The following RAI1 variants were observed in gnomAD, a reference collection of about 807,000 sequenced individuals.
The protein encoded by RAI1 is retinoic acid-induced protein 1.
A neutral mutation model predicts 123.8 loss-of-function variants in RAI1; 9 were observed. The observed-to-expected ratio is 0.07, with a 90% CI of 0.04 to 0.13. RAI1 has a LOEUF of 0.13. Among genes scored for constraint, RAI1 ranks in the 10% least tolerant of loss-of-function variants. The pLI is 1.00. For missense variants in RAI1, 2,256 were observed against 2,545.8 expected, an observed-to-expected ratio of 0.89 and a Z score of 2.45; for synonymous variants, 1,231 against 1,127.3, an observed-to-expected ratio of 1.09 and a Z score of -1.84.
At chr17:17,783,075 G>GGGGGGCC (rs144240699) in intron 2 of RAI1, among the ~76,000 whole-genome samples, 152,234 of 152,254 alleles carry the variant, frequency 1, 76,107 homozygotes, top group Middle Eastern at 1. Context: ...GGGGGCTGGT[G>GGGGGGCC]GCAGCCCCCC....
Position 17,795,750 on chromosome 17 carries a change from C to G in RAI1, c.2802C>G (p.Thr934=), listed in dbSNP as rs765188274. The change falls in exon 3 of 6, where the codon ACC becomes ACG. Residue 934 remains threonine (T), a synonymous_variant. Transcript: ENST00000353383. The surrounding 1 kb of genome is among the most constrained non-coding windows in gnomAD (Gnocchi z 5.9). ...TCCTGCTGGGCCCTACAGTGGGCAC[C>G]GAGTCAAAGGTCCAGAGCTGGTTTG... ...SVILLGPTVG[T]ESKVQSWFES... 3.7e-6 allele frequency: 6 copies of G among 1,613,350 alleles called. No individual in the cohort carries two copies. Among genetic ancestry groups the G allele is most frequent in the Non-Finnish European group, 5.1e-6 (6 of 1,180,020 alleles).
intron 3 of RAI1, 27 bp downstream of exon 3, chr17:17,798,540 G>T (rs1351569846): frequency 6.3e-7 from 1 of 1,597,224 alleles, no homozygotes; most frequent in East Asian, 2.2e-5. Context: ...GCCAGGGTGG[G>T]GAGTGTGGGG....
At chr17:17,710,287 G>A (rs1054091432) in intron 1 of RAI1, among the ~76,000 whole-genome samples, 3 of 152,132 alleles carry the variant, frequency 2.0e-5, no homozygotes, top group Non-Finnish European at 2.9e-5. Context: ...CCAAGCACAC[G>A]CCCCTCACCT....
At chr17:17,806,513 G>A (rs2032596135) in intron 4 of RAI1, among the ~76,000 whole-genome samples, 1 of 152,216 alleles carries the variant, frequency 6.6e-6, no homozygotes, top group African/African-American at 2.4e-5. Context: ...AGTAGGGTGT[G>A]GACGTGCAAA....
At chr17:17,739,884 T>G (rs542374238) in intron 2 of RAI1, among the ~76,000 whole-genome samples, 1 of 152,318 alleles carries the variant, frequency 6.6e-6, no homozygotes, top group African/African-American at 2.4e-5. Context: ...CCTTGTCACC[T>G]TGGGCCCAGA....
At chr17:17,763,358 A>T (rs2030785318) in intron 2 of RAI1, among the ~76,000 whole-genome samples, 1 of 152,208 alleles carries the variant, frequency 6.6e-6, no homozygotes, top group Admixed American at 6.5e-5. Context: ...AAGGAGCTGG[A>T]GGTCAGGAGC....
chr17:17,743,320 A>G (rs1916703631), intron 2 of RAI1, among the ~76,000 whole-genome samples: 2 of 152,166 alleles, frequency 1.3e-5, no homozygotes, highest in Non-Finnish European at 2.9e-5. Context: ...AACACTCACC[A>G]TGGGTAGGCA....
At position 17,800,180 on chromosome 17, in the gene RAI1, G is replaced by GTCTCTCTCTGTCTCTCTCTGTCTCTC. The variant is rs1555566532; in HGVS notation, c.5565+1676_5565+1677insGTCTCTCTCTGTCTCTCTCTCTCTCT. 1.7e-5 allele frequency among the ~76,000 whole-genome samples: 2 copies of GTCTCTCTCTGTCTCTCTCTGTCTCTC among 116,318 alleles called. No homozygotes were observed. Among genetic ancestry groups the GTCTCTCTCTGTCTCTCTCTGTCTCTC allele is most frequent in the Non-Finnish European group, 3.9e-5 (2 of 51,162 alleles). The allele number at this position is 116,318 out of a possible 152,430, so 76.3% of individuals were successfully genotyped here. ...TCTCTCCTGCTTTCTGTCTCTCTCT[G>GTCTCTCTCTGTCTCTCTCTGTCTCTC]TCTCTCTCTCTCTCTCTCTCTCTCT... On this transcript the variant is annotated intron_variant, in intron 3 of 5. Transcript: ENST00000353383. This position sits in a 1 kb window ranked among gnomAD's most constrained non-coding sequence, Gnocchi z 4.7.
rs1055058360 is a variant in RAI1, at chr17:17,685,455, C to G, written c.-149+3662C>G. Among the ~76,000 whole-genome samples, 8 of 152,232 alleles carry G rather than the reference C, an allele frequency of 5.3e-5. No individual in the cohort carries two copies. In the East Asian group the frequency reaches 7.7e-4, roughly 15 times the overall value. ...CTTTGAGCAGGTGCTTCAGGCACGG[C>G]GAGGTAAGAGTGAGAGGAGCATTCC... On this transcript the variant is annotated intron_variant, in intron 1 of 5. Transcript: ENST00000353383. The surrounding 1 kb of genome is among the most constrained non-coding windows in gnomAD (Gnocchi z 4.0).
intron 2 of RAI1, among the ~76,000 whole-genome samples, chr17:17,762,529 G>T (rs1382381754): frequency 6.6e-6 from 1 of 152,182 alleles, no homozygotes; most frequent in Non-Finnish European, 1.5e-5. Context: ...AGGAGATCTG[G>T]CTCTCAGCAT....
intron 2 of RAI1, chr17:17,778,470 C>T (rs977067172): frequency 2.5e-5 from 8 of 318,204 alleles, no homozygotes; most frequent in African/African-American, 1.3e-4. Context: ...AGCTTAGGCA[C>T]ACAAAGCACA....
chr17:17,726,859 C>T (rs984266167), intron 2 of RAI1, among the ~76,000 whole-genome samples: 1 of 152,076 alleles, frequency 6.6e-6, no homozygotes, highest in African/African-American at 2.4e-5. Context: ...TGTCGTCATT[C>T]TCTATATTCA....
intron 1 of RAI1, among the ~76,000 whole-genome samples, chr17:17,700,329 C>T (rs1915176346): frequency 6.6e-6 from 1 of 152,020 alleles, no homozygotes; most frequent in Admixed American, 6.5e-5. Context: ...TCCTGTCGCC[C>T]GGCCCCAGGC....
At chr17:17,789,887 A>G (rs928061526) in intron 2 of RAI1, among the ~76,000 whole-genome samples, 1 of 152,130 alleles carries the variant, frequency 6.6e-6, no homozygotes, top group Non-Finnish European at 1.5e-5. Flanking sequence ...GAGTGAGCCC[A>G]GTGGGTGGGG....
intron 1 of RAI1, among the ~76,000 whole-genome samples, chr17:17,682,279 A>G (rs1339106846): frequency 6.6e-6 from 1 of 151,236 alleles, no homozygotes; most frequent in Non-Finnish European, 1.5e-5. Context: ...ATCGCTTGGG[A>G]GTCAGGGCCG....
At chr17:17,722,120 GAGACAGAC>G in intron 1 of RAI1, among the ~76,000 whole-genome samples, 1 of 152,280 alleles carries the variant, frequency 6.6e-6, no homozygotes, top group South Asian at 2.1e-4. Flanking sequence ...CGAGGAGAAT[GAGACAGAC>G]AGACTCACTG....
Position 17,798,498 on chromosome 17 carries a change from G to A in RAI1, c.5550G>A (p.Lys1850=). ...GKLFGLQEAM[K]VAVDMMCSSC... ...TCTTTGGGCTGCAGGAGGCCATGAA[G>A]GTGGCCGTGGACATGGTAAGAGGCC... The change falls in exon 3 of 6, where the codon AAG becomes AAA. Residue 1850 remains lysine, a synonymous_variant. Transcript: ENST00000353383. 6.2e-7 allele frequency: 1 copy of A among 1,601,460 alleles called. No homozygotes were observed. Among genetic ancestry groups the A allele is most frequent in the Non-Finnish European group, 8.5e-7 (1 of 1,179,876 alleles).
chr17:17,732,298 C>T (rs1486164231), intron 2 of RAI1, among the ~76,000 whole-genome samples: 2 of 152,166 alleles, frequency 1.3e-5, no homozygotes, highest in Non-Finnish European at 2.9e-5. Flanking sequence ...CAGAGAGAGG[C>T]TGTCTGATGG....
chr17:17,797,563 C>T lies in RAI1; in HGVS notation c.4615C>T (p.Arg1539Cys), dbSNP rs747006500. The change falls in exon 3 of 6, where the codon CGC becomes TGC. Residue 1539 changes from arginine to cysteine, a missense_variant. This residue lies in a region of RAI1 where 410 missense variants were observed against 374.6 expected (regional missense o/e 1.09). Coordinates refer to ENST00000353383, the MANE Select transcript of RAI1 (RefSeq NM_030665.4). ...TNYSSYSKRK[R>C]LTRGRAKNTT... is the part of the protein sequence containing the mutation. Reference sequence around the variant, plus strand: ...CTACAGCAGCTATTCCAAGCGGAAGCGCCTCACTCGGGGCCGGGCCAAGAA... The same window carrying T: ...CTACAGCAGCTATTCCAAGCGGAAGTGCCTCACTCGGGGCCGGGCCAAGAA... The T allele has an allele frequency of 4.3e-6, 7 of 1,614,084 alleles. No homozygotes were observed. In the East Asian group the frequency reaches 6.7e-5, roughly 15 times the overall value.
Sources: allele counts gnomAD v4.1 joint callset (sites outside exome capture counted in the v4.1 genomes callset), GRCh38; gene constraint gnomAD v4.1.1; regional missense constraint gnomAD v4.1.1; non-coding constraint Gnocchi (gnomAD v3.1); transcripts MANE v1.5; gene names NCBI Gene and HGNC (gene_info 2026-07-23, HGNC 2026-07-21).